Variants in UST observed in about 807,000 individuals in gnomAD.
UST encodes chondroitin sulfate 2-O-sulfotransferase.
UST carries 21 observed loss-of-function variants against 45.6 expected under a neutral mutation model. That is an observed-to-expected ratio of 0.46 (90% CI 0.33 to 0.66). UST has a LOEUF of 0.66. Among genes scored for constraint, UST ranks in the 30% least tolerant of loss-of-function variants. The probability of loss-of-function intolerance (pLI) is 0.02; values close to 1 mark genes in which losing one functional copy is unlikely to be tolerated. For synonymous variants in UST, 215 were observed against 200.6 expected (o/e 1.07, Z -0.61); for missense variants, 463 against 512.4 (o/e 0.90, Z 0.93).
At chr6:149,023,360 C>T (rs989747304) in intron 7 of UST, among the ~76,000 whole-genome samples, 1 of 152,044 alleles carries the variant, frequency 6.6e-6, no homozygotes, top group African/African-American at 2.4e-5. Context: ...GACCTCAGAC[C>T]AAGAGCCACG....
At chr6:148,988,790 C>T (rs911648296) in intron 5 of UST, among the ~76,000 whole-genome samples, 5 of 152,110 alleles carry the variant, frequency 3.3e-5, no homozygotes, top group Admixed American at 3.3e-4. Flanking sequence ...TTCATCATTT[C>T]CAAGTCCACC....
At chr6:148,936,012 C>T (rs1780019161) in intron 2 of UST, among the ~76,000 whole-genome samples, 2 of 152,168 alleles carry the variant, frequency 1.3e-5, no homozygotes, top group Admixed American at 6.5e-5. Flanking sequence ...GAAAGAGGAT[C>T]TCTGTCACAG....
chr6:148,781,860 C>G (rs1391208905), intron 1 of UST, among the ~76,000 whole-genome samples: 1 of 152,164 alleles, frequency 6.6e-6, no homozygotes, highest in Non-Finnish European at 1.5e-5. Context: ...GCATGGTTTA[C>G]TGACTATTTT....
intron 1 of UST, among the ~76,000 whole-genome samples, chr6:148,871,461 G>T (rs2114816799): frequency 6.6e-6 from 1 of 152,280 alleles, no homozygotes; most frequent in East Asian, 1.9e-4. Context: ...CCCGTCACCT[G>T]TCACACTCCC....
In UST at chr6:149,021,154, G is replaced by A. The variant is rs1003308740; in HGVS notation, c.780-170G>A. Among the ~76,000 whole-genome samples the A allele has an allele frequency of 2.6e-5, 4 of 152,166 alleles. No individual in the cohort carries two copies. The South Asian group carries it at 6.2e-4, about 24-fold the overall frequency. On this transcript the variant is annotated intron_variant, in intron 6 of 7. Transcript: ENST00000367463. Reference sequence around the variant, plus strand: ...TGGTGAGCAGGGCAGGACACCAGTTGGAAGGACTGGGAAGGCCCTGGATGG... The same window carrying A: ...TGGTGAGCAGGGCAGGACACCAGTTAGAAGGACTGGGAAGGCCCTGGATGG...
chr6:148,799,799 T>C (rs1371117516), intron 1 of UST, among the ~76,000 whole-genome samples: 1 of 152,216 alleles, frequency 6.6e-6, no homozygotes, highest in Admixed American at 6.5e-5. Context: ...ATATGCAAAA[T>C]ATTGCTGGCA....
intron 2 of UST, among the ~76,000 whole-genome samples, chr6:148,912,184 G>C (rs1033841948): frequency 6.6e-6 from 1 of 152,154 alleles, no homozygotes; most frequent in African/African-American, 2.4e-5. Flanking sequence ...GTGACACAGC[G>C]AGGGTCTATT....
chr6:148,849,712 A>G (rs1011315693), intron 1 of UST, among the ~76,000 whole-genome samples: 2 of 152,030 alleles, frequency 1.3e-5, no homozygotes, highest in African/African-American at 4.8e-5. Flanking sequence ...TCTTGTGAGA[A>G]CTCACTCACT....
At chr6:149,058,344 CAT>C (rs1491215425) in intron 7 of UST, among the ~76,000 whole-genome samples, 5,879 of 126,648 alleles carry the variant, frequency 0.046, 186 homozygotes, top group African/African-American at 0.073. Context: ...AAAGGAGGAG[CAT>C]GTGTGTGTGT....
At chr6:148,955,274 G>A (rs1488745317) in intron 4 of UST, among the ~76,000 whole-genome samples, 2 of 152,238 alleles carry the variant, frequency 1.3e-5, no homozygotes, top group Non-Finnish European at 2.9e-5. Context: ...CAGGGTGCCT[G>A]ACAACCCACC....
At chr6:148,795,833 C>T (rs17085496) in intron 1 of UST, among the ~76,000 whole-genome samples, 1 of 151,962 alleles carries the variant, frequency 6.6e-6, no homozygotes, top group Non-Finnish European at 1.5e-5. Flanking sequence ...TTTATTTTGC[C>T]GATTCATTAC....
In UST at chr6:148,926,184, A is replaced by G. The variant is rs895504129; in HGVS notation, c.292-15095A>G. Reference sequence around the variant, plus strand: ...ATCGATACAGCATTTCGAAGCTAATAGTGCTGTTACTACAATGTCAGTGTA... The same window carrying G: ...ATCGATACAGCATTTCGAAGCTAATGGTGCTGTTACTACAATGTCAGTGTA... On this transcript the variant is annotated intron_variant, in intron 2 of 7. Coordinates refer to ENST00000367463, the MANE Select transcript of UST (RefSeq NM_005715.3). 5.9e-5 allele frequency among the ~76,000 whole-genome samples: 9 copies of G among 152,356 alleles called. No individual in the cohort carries two copies. In the South Asian group the frequency reaches 1.7e-3, roughly 28 times the overall value.
intron 5 of UST, among the ~76,000 whole-genome samples, chr6:148,991,670 G>A (rs1035720733): frequency 3.3e-5 from 5 of 151,938 alleles, no homozygotes; most frequent in Admixed American, 6.5e-5. Context: ...TTGGATCAAT[G>A]TCATGGTAGA....
At chr6:149,009,974 TA>T (rs1775777820) in intron 5 of UST, among the ~76,000 whole-genome samples, 2 of 151,794 alleles carry the variant, frequency 1.3e-5, no homozygotes, top group East Asian at 3.9e-4. Context: ...TAAATTTTTT[TA>T]AATTTATTTT....
rs56994081 is a variant in UST, at chr6:149,058,345, ATGTGTGTGTGTGTGTG to A, written c.938-15460_938-15445del. 7.6e-3 allele frequency among the ~76,000 whole-genome samples: 915 copies of A among 119,812 alleles called. 8 individuals are homozygous for A. Among genetic ancestry groups the A allele is most frequent in the African/African-American group, 0.025 (860 of 33,936 alleles). 78.6% of individuals were successfully genotyped at this position (119,812 alleles called of 152,430 possible). A position where few individuals can be genotyped will look rare whatever the true frequency, so the allele number is the denominator to read the frequency against. On this transcript the variant is annotated intron_variant, in intron 7 of 7. Coordinates refer to ENST00000367463, the MANE Select transcript of UST (RefSeq NM_005715.3). ...GCCTCCTCCCTGCCAAAGGAGGAGC[ATGTGTGTGTGTGTGTG>A]TGTGTGTGTGTGTGTGTGTGTGTGT...
At chr6:149,020,145 T>C (rs1384910511) in intron 6 of UST, among the ~76,000 whole-genome samples, 1 of 152,256 alleles carries the variant, frequency 6.6e-6, no homozygotes, top group Non-Finnish European at 1.5e-5. Context: ...TGTACCTTTT[T>C]GCTTATGCTA....
chr6:148,889,421 C>T (rs1416813053), intron 2 of UST, among the ~76,000 whole-genome samples: 1 of 152,082 alleles, frequency 6.6e-6, no homozygotes, highest in African/African-American at 2.4e-5. Flanking sequence ...GGGTCAGTTA[C>T]CTGCCTAGGA....
At chr6:149,053,009 G>A (rs1399455354) in intron 7 of UST, among the ~76,000 whole-genome samples, 2 of 152,138 alleles carry the variant, frequency 1.3e-5, no homozygotes, top group Non-Finnish European at 2.9e-5. Context: ...AAGCAAAAAT[G>A]GGAACCCTTT....
intron 1 of UST, among the ~76,000 whole-genome samples, chr6:148,808,855 G>A (rs1777199832): frequency 6.6e-6 from 1 of 152,206 alleles, no homozygotes; most frequent in South Asian, 2.1e-4. Context: ...TCTTCAGCAT[G>A]TGAGGACACA....
Sources: gnomAD v4.1 joint callset for allele counts (sites outside exome capture counted in the v4.1 genomes callset) on GRCh38, gnomAD v4.1.1 for gene constraint, MANE v1.5 for transcripts, NCBI Gene and HGNC (gene_info 2026-07-23, HGNC 2026-07-21) for gene names.